Variants in SLC2A9 observed in about 807,000 individuals in gnomAD.
SLC2A9 encodes solute carrier family 2, facilitated glucose transporter member 9.
SLC2A9 carries 39 observed loss-of-function variants against 50.6 expected under a neutral mutation model. That is an observed-to-expected ratio of 0.77 (90% confidence interval 0.60 to 1.01). SLC2A9 has a LOEUF of 1.01. Ranked by LOEUF, SLC2A9 falls within the 50% of genes least tolerant of loss-of-function variation. The pLI, the probability that SLC2A9 is intolerant of heterozygous loss-of-function variation, is 0.00. For synonymous variants in SLC2A9, 324 were observed against 276.9 expected (o/e 1.17, Z -1.69); for missense variants, 686 against 677.6 (o/e 1.01, Z -0.14).
rs1451105188 is a variant in SLC2A9 at position 9,955,275 on chromosome 4, G to A, written c.682-13230C>T. Among the ~76,000 whole-genome samples the A allele has an allele frequency of 2.3e-3, 103 of 44,442 alleles. 32 individuals are homozygous for A. The highest frequency in any genetic ancestry group is 4.2e-3 in the Admixed American group (17 of 4,062). The allele number at this position is 44,442 out of a possible 152,430, so 29.2% of individuals were successfully genotyped here. On this transcript the variant is annotated intron_variant, in intron 5 of 11. Coordinates refer to ENST00000264784, the MANE Select transcript of SLC2A9 (RefSeq NM_020041.3). ...TGGGAGGCCGAGGCGGGTGGATCAC[G>A]AGGTCAGGAGATCGAGACCATCCTG... is the stretch of plus-strand genomic sequence containing the variant.
chr4:9,975,612 A>T (rs1754665664), intron 5 of SLC2A9, among the ~76,000 whole-genome samples: 1 of 152,174 alleles, frequency 6.6e-6, no homozygotes, highest in South Asian at 2.1e-4. Flanking sequence ...ACAGATGCTA[A>T]TGAGGCTGCA....
In SLC2A9 at chr4:10,021,274, A is replaced by T. The variant is rs369822964; in HGVS notation, c.150+6T>A. The T allele has an allele frequency of 6.2e-7, 1 of 1,613,088 alleles. No homozygotes were observed. The highest frequency in any genetic ancestry group is 1.1e-5 in the South Asian group (1 of 91,032). On this transcript the variant is annotated splice_donor_region_variant and intron_variant, in intron 1 of 11. Coordinates refer to ENST00000264784, the MANE Select transcript of SLC2A9 (RefSeq NM_020041.3). ...CCAGCCATGCAGAAAAGCTGTCCGTAGTTACCTTTCTTCTCCTTCCACCTG... is the reference window on the plus strand; with the variant it reads ...CCAGCCATGCAGAAAAGCTGTCCGTTGTTACCTTTCTTCTCCTTCCACCTG...
intron 10 of SLC2A9, among the ~76,000 whole-genome samples, chr4:9,840,921 A>G (rs76621357): frequency 1.7e-3 from 16 of 9,610 alleles, no homozygotes; most frequent in Admixed American, 2.6e-3. Context: ...AAAGAGGACA[A>G]AGAGAGAAAG....
chr4:9,917,773 T>C (rs1743151035), intron 7 of SLC2A9, among the ~76,000 whole-genome samples: 1 of 152,234 alleles, frequency 6.6e-6, no homozygotes, highest in Non-Finnish European at 1.5e-5. Flanking sequence ...TGGCAGTGTC[T>C]GGAGCCATTT....
chr4:9,895,578 C>T (rs1738392329), intron 8 of SLC2A9, among the ~76,000 whole-genome samples: 1 of 152,342 alleles, frequency 6.6e-6, no homozygotes, highest in Non-Finnish European at 1.5e-5. Context: ...GTCACCCATC[C>T]ACTCAGCAGC....
chr4:9,994,227 A>T (rs3796842), intron 3 of SLC2A9, among the ~76,000 whole-genome samples: 73,620 of 152,160 alleles, frequency 0.48, 18,511 homozygotes, highest in South Asian at 0.62. Context: ...TGGACTCATC[A>T]TTTGAAAAGT....
chr4:9,890,796 G>T, intron 8 of SLC2A9, 85 bp from the exon 9 acceptor site: 1 of 1,231,944 alleles, frequency 8.1e-7, no homozygotes, highest in Non-Finnish European at 1.2e-6. Flanking sequence ...ACCGGCAATG[G>T]CATCATGATT....
intron 6 of SLC2A9, among the ~76,000 whole-genome samples, 179 bp downstream of exon 6, chr4:9,941,734 C>T (rs1748165121): frequency 6.6e-6 from 1 of 152,172 alleles, no homozygotes; most frequent in Admixed American, 6.5e-5. Flanking sequence ...CTCTCTGTCC[C>T]CCAGCAAGGC....
chr4:10,019,366 T>G, intron 1 of SLC2A9: 1 of 495,672 alleles, frequency 2.0e-6, no homozygotes, highest in Non-Finnish European at 3.6e-6. Flanking sequence ...TCTGGGCAGC[T>G]CCACACGATC....
chr4:9,924,987 A>C (rs1201818089), intron 6 of SLC2A9, among the ~76,000 whole-genome samples: 2 of 152,078 alleles, frequency 1.3e-5, no homozygotes, highest in Non-Finnish European at 2.9e-5. Context: ...TCTGCACACA[A>C]ATCTGTGCTG....
intron 4 of SLC2A9, among the ~76,000 whole-genome samples, chr4:9,982,197 T>G (rs1756002651): frequency 1.3e-5 from 2 of 152,220 alleles, no homozygotes; most frequent in Non-Finnish European, 2.9e-5. Flanking sequence ...AAATTCTTTA[T>G]TACAAACAGA....
intron 9 of SLC2A9, among the ~76,000 whole-genome samples, chr4:9,888,437 T>C (rs1000941802): frequency 6.6e-6 from 1 of 151,736 alleles, no homozygotes; most frequent in Non-Finnish European, 1.5e-5. Flanking sequence ...ATTCATTTCA[T>C]GGAATATGTC....
At chr4:9,773,230 C>T (rs1462010438) in intron 1 of SLC2A9, among the ~76,000 whole-genome samples, 1 of 152,176 alleles carries the variant, frequency 6.6e-6, no homozygotes, top group Non-Finnish European at 1.5e-5. Context: ...TGGCTCATCA[C>T]CTGGGCCTTT....
chr4:9,874,282 T>C (rs1733927987), intron 10 of SLC2A9, among the ~76,000 whole-genome samples: 1 of 152,206 alleles, frequency 6.6e-6, no homozygotes, highest in African/African-American at 2.4e-5. Context: ...ATAAAATATT[T>C]TACAAGTTAG....
intron 8 of SLC2A9, among the ~76,000 whole-genome samples, chr4:9,896,096 G>C (rs1049997194): frequency 1.3e-5 from 2 of 152,150 alleles, no homozygotes; most frequent in African/African-American, 4.8e-5. Context: ...ATGTAGACTT[G>C]TGCATTGATT....
chr4:10,006,528 T>C (rs1760803219), intron 2 of SLC2A9: 1 of 152,158 alleles, frequency 6.6e-6, no homozygotes. Context: ...AAAGTACCCA[T>C]TGTTGAACCA....
downstream of SLC2A9, among the ~76,000 whole-genome samples, chr4:9,824,061 G>T (rs1042830301): frequency 1.2e-4 from 18 of 152,192 alleles, no homozygotes; most frequent in Middle Eastern, 3.2e-3. Flanking sequence ...TTGAGAGGCA[G>T]AGTCTTTAAA....
intron 4 of SLC2A9, among the ~76,000 whole-genome samples, chr4:9,981,648 A>T (rs1755898723): frequency 6.6e-6 from 1 of 152,150 alleles, no homozygotes; most frequent in African/African-American, 2.4e-5. Context: ...CCACCAGCTA[A>T]CATTGCCTCT....
At chr4:9,853,714 C>T (rs961186613) in intron 10 of SLC2A9, among the ~76,000 whole-genome samples, 4 of 151,794 alleles carry the variant, frequency 2.6e-5, no homozygotes, top group African/African-American at 4.9e-5. Flanking sequence ...CTCATTTGCA[C>T]ATACTCCAAA....
Sources: gnomAD v4.1 joint callset for allele counts (sites outside exome capture counted in the v4.1 genomes callset) on GRCh38, gnomAD v4.1.1 for gene constraint, MANE v1.5 for transcripts, NCBI Gene and HGNC (gene_info 2026-07-23, HGNC 2026-07-21) for gene names.